RYR3: variants seen among roughly 807,000 people sequenced by gnomAD.
RYR3 encodes the protein brain ryanodine receptor-calcium release channel.
Under a neutral mutation model 584.3 loss-of-function variants are expected in RYR3, and 207 were observed. The ratio of observed to expected loss-of-function variants is 0.35; its 90% CI spans 0.32 to 0.40. RYR3 has a LOEUF of 0.40. Ranked by LOEUF, RYR3 falls within the 10% of genes least tolerant of loss-of-function variation. The probability of loss-of-function intolerance (pLI) is 1.00; values close to 1 mark genes in which losing one functional copy is unlikely to be tolerated. For missense variants in RYR3, 5,616 were observed against 6,089.2 expected (o/e 0.92, Z 2.59); for synonymous variants, 2,416 against 2,248.5 (o/e 1.07, Z -2.11).
At chr15:33,859,431 G>C (rs1464379390) in intron 99 of RYR3, 144 bp from the exon 100 acceptor site, 5 of 755,506 alleles carry the variant, frequency 6.6e-6, no homozygotes, top group Non-Finnish European at 8.8e-6. Flanking sequence ...GCAGCTAGCA[G>C]CATGAATACT....
intron 64 of RYR3, among the ~76,000 whole-genome samples, chr15:33,776,293 A>G (rs1226201887): frequency 1.3e-5 from 2 of 152,258 alleles, no homozygotes; most frequent in Non-Finnish European, 2.9e-5. Context: ...TGAGAATGTC[A>G]TTGACAAGTG....
rs3085194 is a variant in RYR3 at position 33,647,988 on chromosome 15, C to CAAAAAAAA, written c.3978+542_3978+549dup. Among the ~76,000 whole-genome samples, 116 of 98,322 alleles carry CAAAAAAAA rather than the reference C, an allele frequency of 1.2e-3. 1 individual carries two copies. Among genetic ancestry groups the CAAAAAAAA allele is most frequent in the African/African-American group, 4.0e-3 (108 of 26,682 alleles). 64.5% of individuals were successfully genotyped at this position (98,322 alleles called of 152,430 possible). On this transcript the variant is annotated intron_variant, in intron 30 of 103. Transcript: ENST00000634891. ...TCTCTCATTCTTCTTTAGCATCTGG[C>CAAAAAAAA]AAAAAAAAAAAAAAAAAAAAAGCCT... is the stretch of plus-strand genomic sequence containing the variant.
chr15:33,492,193 T>C (rs2051019785), intron 2 of RYR3, among the ~76,000 whole-genome samples: 1 of 152,180 alleles, frequency 6.6e-6, no homozygotes, highest in Admixed American at 6.5e-5. Context: ...GCAGTGGGGA[T>C]GTATAGTACA....
intron 2 of RYR3, among the ~76,000 whole-genome samples, chr15:33,490,991 A>G (rs2050920033): frequency 6.6e-6 from 1 of 152,104 alleles, no homozygotes; most frequent in African/African-American, 2.4e-5. Context: ...CATATCCATC[A>G]GTTCTCATTT....
At chr15:33,322,374 G>A (rs1230071176) in intron 1 of RYR3, among the ~76,000 whole-genome samples, 2 of 152,086 alleles carry the variant, frequency 1.3e-5, no homozygotes, top group Non-Finnish European at 2.9e-5. Flanking sequence ...GCGGCAGGGG[G>A]AGGTGCCACA....
chr15:33,382,130 A>G (rs1010722828), intron 1 of RYR3, among the ~76,000 whole-genome samples: 3 of 152,206 alleles, frequency 2.0e-5, no homozygotes, highest in Middle Eastern at 3.4e-3. Flanking sequence ...GTTTTGGGGA[A>G]CTGCAAGAAG....
rs1438329298 is a variant in RYR3 at position 33,861,103 on chromosome 15, G to C, written c.14390G>C (p.Gly4797Ala). 1 of 1,594,402 alleles carries C rather than the reference G, an allele frequency of 6.3e-7. No homozygotes were observed. The highest frequency in any genetic ancestry group is 8.6e-7 in the Non-Finnish European group (1 of 1,169,366). Residue 4797 changes from glycine (G) to alanine (A), a missense_variant, in exon 102 of 104, where the codon GGC (glycine) becomes GCC (alanine). This residue lies in a region of RYR3 where 918 missense variants were observed against 887.4 expected (regional missense o/e 1.03). Coordinates refer to ENST00000634891, the MANE Select transcript of RYR3 (RefSeq NM_001036.6). ...METKCFICGIGNDYFDTTPHG... is the reference protein window; with the variant it reads ...METKCFICGIANDYFDTTPHG... The stretch of plus-strand genomic sequence containing the variant: ...ACTAAATGTTTCATCTGTGGGATTG[G>C]CAATGACTACTTTGACACAACCCCT...
chr15:33,534,252 T>G (rs1419996146), intron 5 of RYR3, among the ~76,000 whole-genome samples: 1 of 152,094 alleles, frequency 6.6e-6, no homozygotes, highest in Non-Finnish European at 1.5e-5. Flanking sequence ...AGTACAAAAA[T>G]TAGCTGGGTG....
intron 16 of RYR3, among the ~76,000 whole-genome samples, chr15:33,597,844 A>G: frequency 6.6e-6 from 1 of 151,888 alleles, no homozygotes; most frequent in Non-Finnish European, 1.5e-5. Flanking sequence ...AAAAATACAT[A>G]TAAAAACTTA....
intron 2 of RYR3, among the ~76,000 whole-genome samples, chr15:33,479,523 C>T (rs566754044): frequency 2.0e-4 from 30 of 146,890 alleles, no homozygotes; most frequent in African/African-American, 6.5e-4. Context: ...AGGCATCATG[C>T]GCTATGTCCC....
chr15:33,514,071 T>A (rs1236971943), intron 3 of RYR3, among the ~76,000 whole-genome samples: 2 of 152,172 alleles, frequency 1.3e-5, no homozygotes, highest in Admixed American at 6.5e-5. Context: ...CCTTAAAAAA[T>A]GTTCTTACTG....
At chr15:33,784,619 A>G (rs982287875) in intron 65 of RYR3, among the ~76,000 whole-genome samples, 1 of 152,086 alleles carries the variant, frequency 6.6e-6, no homozygotes, top group Non-Finnish European at 1.5e-5. Flanking sequence ...CCCCCGTTTG[A>G]GAAGTTTGGC....
intron 28 of RYR3, among the ~76,000 whole-genome samples, chr15:33,644,745 T>A (rs1361615035): frequency 2.0e-5 from 3 of 152,226 alleles, no homozygotes; most frequent in Non-Finnish European, 4.4e-5. Context: ...ACCTTACAGA[T>A]CAACTCTCAA....
In RYR3 at chr15:33,670,442, G is replaced by A; in HGVS notation, c.5746G>A (p.Glu1916Lys). ...HCGVPLEEEE[E>K]EEEDTSWTGK... is the part of the protein sequence containing the mutation. Reference sequence around the variant, plus strand: ...AGGGGTTCCTTTGGAAGAAGAGGAAGAGGAGGAGGAGGACACCTCCTGGAC... The same window carrying A: ...AGGGGTTCCTTTGGAAGAAGAGGAAAAGGAGGAGGAGGACACCTCCTGGAC... The change falls in exon 38 of 104, where the codon GAG (glutamate) becomes AAG (lysine). Residue 1916 changes from glutamate to lysine, a missense_variant. By Grantham distance (56) the Glu-to-Lys change is moderately conservative (BLOSUM62 1). Transcript: ENST00000634891. The A allele has an allele frequency of 6.2e-7, 1 of 1,611,840 alleles. No individual in the cohort carries two copies. The highest frequency in any genetic ancestry group is 8.5e-7 in the Non-Finnish European group (1 of 1,178,382).
chr15:33,782,565 G>A (rs1474129752), intron 65 of RYR3, among the ~76,000 whole-genome samples: 4 of 149,432 alleles, frequency 2.7e-5, no homozygotes, highest in East Asian at 1.9e-4. Flanking sequence ...ATCTAGAGCC[G>A]GAGAATGACT....
intron 38 of RYR3, among the ~76,000 whole-genome samples, chr15:33,674,104 G>A (rs2064011957): frequency 6.6e-6 from 1 of 152,170 alleles, no homozygotes; most frequent in Non-Finnish European, 1.5e-5. Flanking sequence ...CCTTACGTAT[G>A]TTACCTCTTG....
intron 1 of RYR3, among the ~76,000 whole-genome samples, chr15:33,349,642 G>A (rs1305801373): frequency 2.1e-5 from 3 of 143,984 alleles, no homozygotes; most frequent in Non-Finnish European, 3.0e-5. Flanking sequence ...TGTGCACAAT[G>A]TGCAGGTTCG....
At chr15:33,641,804 G>C (rs2061842069) in intron 27 of RYR3, among the ~76,000 whole-genome samples, 1 of 152,118 alleles carries the variant, frequency 6.6e-6, no homozygotes, top group Non-Finnish European at 1.5e-5. Flanking sequence ...TTTTCCCATG[G>C]AGTGTGCAAC....
intron 27 of RYR3, among the ~76,000 whole-genome samples, chr15:33,642,147 T>C (rs1211670773): frequency 6.6e-6 from 1 of 152,200 alleles, no homozygotes; most frequent in African/African-American, 2.4e-5. Context: ...TCTTATGCAG[T>C]TATTACCTTT....
Sources: allele counts gnomAD v4.1 joint callset (sites outside exome capture counted in the v4.1 genomes callset), GRCh38; gene constraint gnomAD v4.1.1; regional missense constraint gnomAD v4.1.1; transcripts MANE v1.5; gene names NCBI Gene and HGNC (gene_info 2026-07-23, HGNC 2026-07-21).